The following UGT1A6 variants were observed in gnomAD, a reference collection of about 807,000 sequenced individuals.
UGT1A6 encodes the protein UDP glucuronosyltransferase family 1 member A6.
UGT1A6 carries 32 observed loss-of-function variants against 44.4 expected under a neutral mutation model. That is an observed-to-expected ratio of 0.72 (90% confidence interval 0.54 to 0.97). The LOEUF (loss-of-function observed/expected upper bound fraction) is 0.97, where lower values mean the gene tolerates loss of function less well. UGT1A6 is among the 50% of genes least tolerant of loss of function. UGT1A6 has a pLI of 0.00. For synonymous variants in UGT1A6, 238 were observed against 248.5 expected (o/e 0.96, Z 0.40); for missense variants, 685 against 661.9 (o/e 1.03, Z -0.38).
intron 1 of UGT1A6, chr2:233,717,704 A>C (rs1330764732): frequency 1.8e-5 from 8 of 450,922 alleles, no homozygotes; most frequent in Non-Finnish European, 2.7e-5. Flanking sequence ...CTGGAGCAGG[A>C]CGAGCCTCAT....
intron 1 of UGT1A6, among the ~76,000 whole-genome samples, chr2:233,698,411 G>A (rs1011894202): frequency 6.6e-6 from 1 of 152,042 alleles, no homozygotes; most frequent in African/African-American, 2.4e-5. Context: ...TGACTTCATC[G>A]CAATAAATTA....
At position 233,767,890 on chromosome 2, in the gene UGT1A6, G is replaced by C; in HGVS notation, c.1035G>C (p.Ala345=). The C allele has an allele frequency of 6.2e-7, 1 of 1,614,096 alleles. No individual in the cohort carries two copies. The highest frequency in any genetic ancestry group is 8.5e-7 in the Non-Finnish European group (1 of 1,180,038). Residue 345 remains alanine (A), a synonymous_variant, in exon 3 of 5, where the codon GCG becomes GCC. Coordinates refer to ENST00000305139, the MANE Select transcript of UGT1A6 (RefSeq NM_001072.4). The part of the protein sequence containing the change: ...RYTGTRPSNL[A]NNTILVKWLP... ...CTGGAACCCGACCATCGAATCTTGCGAACAACACGATACTTGTTAAGTGGC... is the reference window on the plus strand; with the variant it reads ...CTGGAACCCGACCATCGAATCTTGCCAACAACACGATACTTGTTAAGTGGC...
At chr2:233,708,925 C>A (rs2076048288) in intron 1 of UGT1A6, among the ~76,000 whole-genome samples, 3 of 152,110 alleles carry the variant, frequency 2.0e-5, no homozygotes, top group Admixed American at 2.0e-4. Context: ...TGCTACAGAG[C>A]CAAACTATGT....
At chr2:233,724,876 G>A (rs1425686666) in intron 1 of UGT1A6, among the ~76,000 whole-genome samples, 5 of 132,730 alleles carry the variant, frequency 3.8e-5, no homozygotes, top group South Asian at 5.6e-4. Context: ...GTAGTGAGCG[G>A]AGATCACGCC....
intron 1 of UGT1A6, among the ~76,000 whole-genome samples, chr2:233,746,609 G>T (rs1693438310): frequency 6.6e-6 from 1 of 151,680 alleles, no homozygotes; most frequent in Admixed American, 6.5e-5. Flanking sequence ...CTGTTCACCT[G>T]ACCCCTCCTT....
intron 1 of UGT1A6, chr2:233,741,740 C>T (rs1158976781): frequency 6.6e-6 from 1 of 151,864 alleles, no homozygotes; most frequent in Non-Finnish European, 1.5e-5. Flanking sequence ...CCATATCACA[C>T]TCTTTGTTGG....
intron 1 of UGT1A6, chr2:233,719,745 G>A: frequency 6.2e-7 from 1 of 1,612,936 alleles, no homozygotes; most frequent in Non-Finnish European, 8.5e-7. Flanking sequence ...TTTAAAAAAT[G>A]TATTTACTTA....
At chr2:233,706,092 C>A (rs1187555358) in intron 1 of UGT1A6, among the ~76,000 whole-genome samples, 1 of 148,852 alleles carries the variant, frequency 6.7e-6, no homozygotes, top group Non-Finnish European at 1.5e-5. Context: ...TAGATTCTGT[C>A]TTAAAAAAAA....
At position 233,747,373 on chromosome 2, in the gene UGT1A6, G is replaced by A. The variant is rs565595947; in HGVS notation, c.862-19661G>A. 4.2e-4 allele frequency: 670 copies of A among 1,604,600 alleles called. 2 individuals are homozygous for A. The highest frequency in any genetic ancestry group is 5.4e-4 in the Non-Finnish European group (630 of 1,172,902). ...GAGGCCGTGCGGGAGCTCCATGCCAGAGGCCACCAGGCGGTGGTCCTCACC... is the reference window on the plus strand; with the variant it reads ...GAGGCCGTGCGGGAGCTCCATGCCAAAGGCCACCAGGCGGTGGTCCTCACC... On this transcript the variant is annotated intron_variant, in intron 1 of 4. Coordinates refer to ENST00000305139, the MANE Select transcript of UGT1A6 (RefSeq NM_001072.4).
chr2:233,713,434 T>A lies in UGT1A6; in HGVS notation c.861+19569T>A. ...CACCTGCATGCTACTTCCTTTGATG[T>A]GGTTCTAACAGACCCCTTTCACCTC... On this transcript the variant is annotated intron_variant, in intron 1 of 4. Coordinates refer to ENST00000305139, the MANE Select transcript of UGT1A6 (RefSeq NM_001072.4). 4 of 1,614,196 alleles carry A rather than the reference T, an allele frequency of 2.5e-6. No homozygotes were observed. The highest frequency in any genetic ancestry group is 3.4e-6 in the Non-Finnish European group (4 of 1,180,026).
intron 1 of UGT1A6, among the ~76,000 whole-genome samples, chr2:233,726,860 T>G (rs1392432205): frequency 6.6e-6 from 1 of 152,244 alleles, no homozygotes; most frequent in East Asian, 1.9e-4. Context: ...CTCCATAGTC[T>G]TCTATTCTCC....
chr2:233,710,696 G>A (rs2076143599), intron 1 of UGT1A6, among the ~76,000 whole-genome samples: 1 of 152,172 alleles, frequency 6.6e-6, no homozygotes, highest in South Asian at 2.1e-4. Context: ...CTTCTGGTGT[G>A]TGGTGTCCTT....
At chr2:233,758,949 A>G (rs1697026086) in intron 1 of UGT1A6, among the ~76,000 whole-genome samples, 1 of 152,184 alleles carries the variant, frequency 6.6e-6, no homozygotes, top group Non-Finnish European at 1.5e-5. Flanking sequence ...AGTCATCAGA[A>G]TTTCCCCAAA....
chr2:233,725,910 A>G (rs538515194), intron 1 of UGT1A6, among the ~76,000 whole-genome samples: 2 of 152,318 alleles, frequency 1.3e-5, no homozygotes, highest in East Asian at 3.9e-4. Context: ...TCACACCTGC[A>G]ATTTCAGCCC....
intron 1 of UGT1A6, chr2:233,730,077 T>G: frequency 1.2e-6 from 2 of 1,605,094 alleles, no homozygotes; most frequent in South Asian, 2.2e-5. Flanking sequence ...TGCTTCCATA[T>G]TTACTTATCT....
rs1699786143 is a variant in UGT1A6 at position 233,769,071 on chromosome 2, C to T, written c.1301+632C>T. Among the ~76,000 whole-genome samples, 1 of 152,122 alleles carries T rather than the reference C, an allele frequency of 6.6e-6. No homozygotes were observed. The highest frequency in any genetic ancestry group is 2.1e-4 in the South Asian group (1 of 4,832). On this transcript the variant is annotated intron_variant, in intron 4 of 4. Transcript: ENST00000305139. The surrounding 1 kb of genome is among the most constrained non-coding windows in gnomAD (Gnocchi z 4.4). ...TAAGTTTCCTGCACAGAAAGAAATA[C>T]TCCATTATAAGAAGCATAGTATCTT...
At chr2:233,711,177 G>A (rs141849516) in intron 1 of UGT1A6, among the ~76,000 whole-genome samples, 37 of 152,320 alleles carry the variant, frequency 2.4e-4, no homozygotes, top group African/African-American at 3.4e-4. Flanking sequence ...CCAGGAATAT[G>A]AGCTACTCCC....
chr2:233,727,755 T>C (rs79983684), intron 1 of UGT1A6, among the ~76,000 whole-genome samples: 5,633 of 152,308 alleles, frequency 0.037, 134 homozygotes, highest in Non-Finnish European at 0.057. Context: ...TGTGCTGCCC[T>C]TGAGCTGGGT....
chr2:233,765,029 G>A (rs1326471824), intron 1 of UGT1A6, among the ~76,000 whole-genome samples: 1 of 152,048 alleles, frequency 6.6e-6, no homozygotes, highest in Non-Finnish European at 1.5e-5. Flanking sequence ...CAGGAGTCCT[G>A]CTGTGCAAAT....
Sources: allele counts gnomAD v4.1 joint callset (sites outside exome capture counted in the v4.1 genomes callset), GRCh38; gene constraint gnomAD v4.1.1; non-coding constraint Gnocchi (gnomAD v3.1); transcripts MANE v1.5; gene names NCBI Gene and HGNC (gene_info 2026-07-23, HGNC 2026-07-21).